RUFY1: variants seen among roughly 807,000 people sequenced by gnomAD.
The protein encoded by RUFY1 is RUN and FYVE domain containing 1.
RUFY1 carries 54 observed loss-of-function variants against 94.6 expected under a neutral mutation model. The ratio of observed to expected loss-of-function variants is 0.57; its 90% confidence interval spans 0.46 to 0.72. The LOEUF is 0.72. Among genes scored for constraint, RUFY1 ranks in the 30% least tolerant of loss-of-function variants. RUFY1 has a pLI of 0.00. For synonymous variants in RUFY1, 396 were observed against 347.3 expected (o/e 1.14, Z -1.56); for missense variants, 883 against 883.9 (o/e 1.00, Z 0.01).
chr5:179,561,678 CTTTTT>C (rs71001004), intron 2 of RUFY1, among the ~76,000 whole-genome samples: 112 of 64,616 alleles, frequency 1.7e-3, no homozygotes, highest in African/African-American at 6.5e-3. Flanking sequence ...TTTTTTCTTT[CTTTTT>C]TTTTTTTTTT....
At chr5:179,588,128 G>A (rs188593396) in intron 8 of RUFY1, among the ~76,000 whole-genome samples, 4 of 152,290 alleles carry the variant, frequency 2.6e-5, no homozygotes, top group Non-Finnish European at 5.9e-5. Flanking sequence ...CAAGTAACAC[G>A]CCCTTTCAAG....
chr5:179,597,329 G>A (rs6601056), intron 13 of RUFY1, among the ~76,000 whole-genome samples: 151,130 of 152,108 alleles, frequency 0.99, 75,092 homozygotes, highest in East Asian at 1. Flanking sequence ...TCTGCCTCCC[G>A]GGTTCACGCC....
chr5:179,572,897 G>A (rs1226872796), intron 5 of RUFY1, among the ~76,000 whole-genome samples: 1 of 152,072 alleles, frequency 6.6e-6, no homozygotes, highest in African/African-American at 2.4e-5. Context: ...CACACTTTAT[G>A]TGTAAAAAAT....
intron 1 of RUFY1, among the ~76,000 whole-genome samples, chr5:179,552,869 G>A (rs937490906): frequency 6.6e-6 from 1 of 152,044 alleles, no homozygotes; most frequent in Non-Finnish European, 1.5e-5. Context: ...AGAAACAATA[G>A]CCAACACTTA....
At chr5:179,596,224 C>T (rs890561724) in intron 12 of RUFY1, 1 of 362,514 alleles carries the variant, frequency 2.8e-6, no homozygotes, top group African/African-American at 2.2e-5. Context: ...ACCATTGATA[C>T]ACATGGAAAC....
chr5:179,563,749 G>A (rs1393551948), intron 3 of RUFY1, among the ~76,000 whole-genome samples: 1 of 151,812 alleles, frequency 6.6e-6, no homozygotes, highest in African/African-American at 2.4e-5. Flanking sequence ...TCAGCTCTCT[G>A]CAACCTCCGC....
chr5:179,552,166 A>G (rs1449762410), intron 1 of RUFY1, among the ~76,000 whole-genome samples: 1 of 147,778 alleles, frequency 6.8e-6, no homozygotes, highest in African/African-American at 2.5e-5. Flanking sequence ...CTCTGTCTCA[A>G]AAAAAAAAAA....
chr5:179,599,332 T>C (rs2127566473), intron 14 of RUFY1: 1 of 153,194 alleles, frequency 6.5e-6, no homozygotes, highest in East Asian at 1.9e-4. Context: ...GGCTCCTGTG[T>C]GGAGAGTGGG....
intron 7 of RUFY1, among the ~76,000 whole-genome samples, chr5:179,581,646 G>A (rs565442792): frequency 6.6e-6 from 1 of 151,634 alleles, no homozygotes; most frequent in Non-Finnish European, 1.5e-5. Flanking sequence ...TCCTCCCGGT[G>A]CAGTTACGGA....
At chr5:179,570,798 C>T (rs563200799) in intron 5 of RUFY1, among the ~76,000 whole-genome samples, 25 of 151,578 alleles carry the variant, frequency 1.6e-4, no homozygotes, top group Non-Finnish European at 2.4e-4. Context: ...AAAAAAAGTT[C>T]GATTGTCTTT....
intron 9 of RUFY1, among the ~76,000 whole-genome samples, chr5:179,591,385 C>T (rs930694863): frequency 4.0e-5 from 6 of 151,450 alleles, no homozygotes; most frequent in South Asian, 2.1e-4. Context: ...GGGGTTTCAC[C>T]ATGTTAGCCA....
chr5:179,583,533 C>T (rs1764341444), intron 7 of RUFY1, among the ~76,000 whole-genome samples: 1 of 147,088 alleles, frequency 6.8e-6, no homozygotes, highest in Non-Finnish European at 1.5e-5. Context: ...TCTCCTGCCT[C>T]AGCCTCTCGA....
At chr5:179,581,459 T>TG (rs1764156189) in intron 7 of RUFY1, among the ~76,000 whole-genome samples, 1 of 140,350 alleles carries the variant, frequency 7.1e-6, no homozygotes, top group Non-Finnish European at 1.5e-5. Flanking sequence ...TTTTTTTTTT[T>TG]GCTGGAAATC....
At position 179,596,882 on chromosome 5, in the gene RUFY1, T is replaced by C. The variant is rs189859201; in HGVS notation, c.1631+201T>C. The C allele has an allele frequency of 2.0e-5, 12 of 607,098 alleles. No individual in the cohort carries two copies. In the African/African-American group the frequency reaches 2.1e-4, roughly 11 times the overall value. 37.6% of individuals were successfully genotyped at this position (607,098 alleles called of 1,614,324 possible). On this transcript the variant is annotated intron_variant, in intron 13 of 17. Transcript: ENST00000319449. ...CCTCCCCACAGGGCTCCTCACGTGG[T>C]CCAGCTCGCCTCCAGAAGATCTGGC...
intron 4 of RUFY1, chr5:179,568,973 T>A: frequency 1.1e-6 from 1 of 917,852 alleles, no homozygotes; most frequent in Non-Finnish European, 1.3e-6. Flanking sequence ...GTAATTCATA[T>A]CAACACAGAA....
chr5:179,551,290 G>T (rs1439093855), intron 1 of RUFY1, among the ~76,000 whole-genome samples: 1 of 152,240 alleles, frequency 6.6e-6, no homozygotes, highest in Non-Finnish European at 1.5e-5. Context: ...CGGCGCCTCC[G>T]CTCACCTCTG....
At chr5:179,579,360 C>T (rs781336112) in intron 6 of RUFY1, among the ~76,000 whole-genome samples, 2 of 151,912 alleles carry the variant, frequency 1.3e-5, no homozygotes, top group South Asian at 2.1e-4. Flanking sequence ...TTTGTAGTTT[C>T]GCTCTTATTG....
At position 179,608,909 on chromosome 5, in the gene RUFY1, C is replaced by T. The variant is rs1316089246; in HGVS notation, c.1984-467C>T. On this transcript the variant is annotated intron_variant, in intron 17 of 17. Transcript: ENST00000319449. ...TTGCGCCACTGCACCCCAGCCTGGGCGACAGAGACTCAAAAAAAAAAAAAA... is the reference window on the plus strand; with the variant it reads ...TTGCGCCACTGCACCCCAGCCTGGGTGACAGAGACTCAAAAAAAAAAAAAA... Among the ~76,000 whole-genome samples, 3 of 121,162 alleles carry T rather than the reference C, an allele frequency of 2.5e-5. No homozygotes were observed. The Admixed American group carries it at 2.9e-4, about 12-fold the overall frequency. 79.5% of individuals were successfully genotyped at this position (121,162 alleles called of 152,430 possible). A position where few individuals can be genotyped will look rare whatever the true frequency, so the allele number is the denominator to read the frequency against.
At position 179,598,728 on chromosome 5, in the gene RUFY1, G is replaced by A. The variant is rs201494659; in HGVS notation, c.1668G>A (p.Glu556=). Residue 556 remains glutamate, a synonymous_variant, in exon 14 of 18, where the codon GAG becomes GAA. Coordinates refer to ENST00000319449, the MANE Select transcript of RUFY1 (RefSeq NM_025158.5). ...SLEKELKSEK[E]QRQALQRELQ... is the part of the protein sequence containing the mutation. ...AGAAAGAATTGAAATCAGAAAAAGA[G>A]CAAAGACAGGCTCTTCAGCGCGAAT... 4 of 1,614,176 alleles carry A rather than the reference G, an allele frequency of 2.5e-6. No homozygotes were observed. Among genetic ancestry groups the A allele is most frequent in the Admixed American group, 3.3e-5 (2 of 60,030 alleles).
Sources: gnomAD v4.1 joint callset for allele counts (sites outside exome capture counted in the v4.1 genomes callset) on GRCh38, gnomAD v4.1.1 for gene constraint, MANE v1.5 for transcripts, NCBI Gene and HGNC (gene_info 2026-07-23, HGNC 2026-07-21) for gene names.